Variants in DGKB observed in about 807,000 individuals in gnomAD.
The protein encoded by DGKB is diacylglycerol kinase beta, also known as 90 kDa diacylglycerol kinase.
Under a neutral mutation model 114.3 loss-of-function variants are expected in DGKB, and 67 were observed. The ratio of observed to expected loss-of-function variants is 0.59; its 90% CI spans 0.48 to 0.72. The LOEUF (loss-of-function observed/expected upper bound fraction) is 0.72. Ranked by LOEUF, DGKB falls within the 30% of genes least tolerant of loss-of-function variation. The pLI, the probability that DGKB is intolerant of heterozygous loss-of-function variation, is 0.00. For synonymous variants in DGKB, 398 were observed against 323.1 expected (o/e 1.23, Z -2.49); for missense variants, 907 against 975.2 (o/e 0.93, Z 0.93).
intron 23 of DGKB, among the ~76,000 whole-genome samples, chr7:14,205,940 G>C (rs181869992): frequency 6.6e-6 from 1 of 152,000 alleles, no homozygotes; most frequent in African/African-American, 2.4e-5. Context: ...TCAATTGATT[G>C]ACAGGTAGAT....
chr7:14,571,310 T>G (rs935270537), intron 20 of DGKB, among the ~76,000 whole-genome samples: 1 of 152,236 alleles, frequency 6.6e-6, no homozygotes, highest in African/African-American at 2.4e-5. Flanking sequence ...GTAGATTCAT[T>G]GTCAGTGGAA....
rs569081162 is a variant in DGKB, at chr7:14,415,880, C to G, written c.1835+62281G>C. Among the ~76,000 whole-genome samples the G allele has an allele frequency of 5.6e-3, 850 of 152,262 alleles. 7 individuals carry two copies. Among genetic ancestry groups the G allele is most frequent in the African/African-American group, 0.019 (786 of 41,564 alleles). ...CACAATGGTTGAACTAGTTTACAGT[C>G]CCACCTACAGTGTAAAAGTGTTCCT... is the stretch of plus-strand genomic sequence containing the variant. On this transcript the variant is annotated intron_variant, in intron 21 of 25. Coordinates refer to ENST00000402815, the MANE Select transcript of DGKB (RefSeq NM_001350709.2).
intron 13 of DGKB, among the ~76,000 whole-genome samples, chr7:14,631,293 G>C (rs575409266): frequency 6.9e-6 from 1 of 144,992 alleles, no homozygotes; most frequent in African/African-American, 2.5e-5. Flanking sequence ...GAAAAAAATA[G>C]CTGAATCTGA....
In DGKB at chr7:14,265,318, C is replaced by CTTTTTTTTTTTTTTTTTT. The variant is rs781569705; in HGVS notation, c.2122+73179_2122+73196dup. Among the ~76,000 whole-genome samples, 121 of 67,724 alleles carry CTTTTTTTTTTTTTTTTTT rather than the reference C, an allele frequency of 1.8e-3. 13 individuals carry two copies. Among genetic ancestry groups the CTTTTTTTTTTTTTTTTTT allele is most frequent in the East Asian group, 2.9e-3 (4 of 1,362 alleles). 44.4% of individuals were successfully genotyped at this position (67,724 alleles called of 152,430 possible). On this transcript the variant is annotated intron_variant, in intron 23 of 25. Transcript: ENST00000402815. Reference sequence around the variant, plus strand: ...GGACTGCTGTCTTTTCTCTTGCATTCTTTTTTTTTTTTTTTTTTTTGCTTA... The same window carrying CTTTTTTTTTTTTTTTTTT: ...GGACTGCTGTCTTTTCTCTTGCATTCTTTTTTTTTTTTTTTTTTTTTTTTTTTTTTTTTTTTTTGCTTA...
chr7:14,490,347 C>A (rs1385049126), intron 20 of DGKB, among the ~76,000 whole-genome samples: 1 of 151,954 alleles, frequency 6.6e-6, no homozygotes. Flanking sequence ...TTCTTTATAC[C>A]TGAAAGACAA....
intron 21 of DGKB, among the ~76,000 whole-genome samples, chr7:14,371,558 A>C (rs192380162): frequency 6.6e-6 from 1 of 152,234 alleles, no homozygotes; most frequent in Admixed American, 6.5e-5. Context: ...TGTGTTCAAA[A>C]TATTAGACCT....
At position 14,927,922 on chromosome 7, in the gene DGKB, G is replaced by C. The variant is rs1004142659; in HGVS notation, c.-188+46774C>G. On this transcript the variant is annotated intron_variant, in intron 1 of 4. Coordinates refer to the DGKB transcript ENST00000437998. ...TTCAATTTACAAGAATTACATTATT[G>C]GCTAGTATCTTGGATGCAATTTATA... Among the ~76,000 whole-genome samples the C allele has an allele frequency of 1.3e-4, 20 of 151,740 alleles. 1 individual carries two copies. In the East Asian group the frequency reaches 3.9e-3, roughly 29 times the overall value.
At chr7:14,857,230 C>T (rs78637874) in intron 1 of DGKB, among the ~76,000 whole-genome samples, 1,248 of 95,668 alleles carry the variant, frequency 0.013, 10 homozygotes, top group Non-Finnish European at 0.019. Context: ...CTCTCTCTCT[C>T]TTCCACCCAA....
chr7:14,160,981 C>T (rs993544354), intron 25 of DGKB, among the ~76,000 whole-genome samples: 1 of 151,942 alleles, frequency 6.6e-6, no homozygotes, highest in Non-Finnish European at 1.5e-5. Flanking sequence ...AACAAACAAC[C>T]CCATCAAAAA....
intron 17 of DGKB, among the ~76,000 whole-genome samples, chr7:14,597,193 G>A (rs576108538): frequency 6.6e-6 from 1 of 152,208 alleles, no homozygotes; most frequent in Admixed American, 6.5e-5. Flanking sequence ...GGGCGACAGA[G>A]CAAGACTCCG....
intron 21 of DGKB, among the ~76,000 whole-genome samples, chr7:14,404,956 G>T (rs962245869): frequency 2.0e-5 from 3 of 151,618 alleles, no homozygotes; most frequent in African/African-American, 7.3e-5. Context: ...GTTAATCTCT[G>T]GGTAATCTCA....
At chr7:14,369,792 T>C (rs1377142927) in intron 21 of DGKB, among the ~76,000 whole-genome samples, 1 of 152,246 alleles carries the variant, frequency 6.6e-6, no homozygotes, top group Admixed American at 6.5e-5. Flanking sequence ...GTAAATTCGT[T>C]TAAGTTCCTT....
intron 20 of DGKB, among the ~76,000 whole-genome samples, chr7:14,491,980 A>G (rs2128934498): frequency 6.6e-6 from 1 of 152,198 alleles, no homozygotes; most frequent in South Asian, 2.1e-4. Context: ...AAGTGACTGC[A>G]GAACTCCCAT....
At chr7:14,412,855 C>T (rs1825115362) in intron 21 of DGKB, among the ~76,000 whole-genome samples, 1 of 151,928 alleles carries the variant, frequency 6.6e-6, no homozygotes, top group South Asian at 2.1e-4. Flanking sequence ...ATGGTGCGTG[C>T]CTGTAATCCC....
At chr7:14,598,880 C>T (rs879407127) in intron 17 of DGKB, among the ~76,000 whole-genome samples, 2 of 152,118 alleles carry the variant, frequency 1.3e-5, no homozygotes, top group Non-Finnish European at 2.9e-5. Flanking sequence ...GTCAATATCT[C>T]CACAGGCATT....
At position 14,205,888 on chromosome 7, in the gene DGKB, G is replaced by C. The variant is rs558692178; in HGVS notation, c.2123-27737C>G. ...AGGGTGGCAAAATACAGGCAGATAGGCCAAATAATATGATATATATATGTA... is the reference window on the plus strand; with the variant it reads ...AGGGTGGCAAAATACAGGCAGATAGCCCAAATAATATGATATATATATGTA... On this transcript the variant is annotated intron_variant, in intron 23 of 25. Transcript: ENST00000402815. Among the ~76,000 whole-genome samples, 7 of 152,052 alleles carry C rather than the reference G, an allele frequency of 4.6e-5. No homozygotes were observed. The South Asian group carries it at 1.0e-3, about 23-fold the overall frequency.
At chr7:14,242,364 A>C (rs1359256903) in intron 23 of DGKB, among the ~76,000 whole-genome samples, 1 of 152,166 alleles carries the variant, frequency 6.6e-6, no homozygotes, top group African/African-American at 2.4e-5. Context: ...CTCCTGTGTG[A>C]CTTTCTGTGA....
intron 20 of DGKB, among the ~76,000 whole-genome samples, chr7:14,550,347 T>C (rs1365022565): frequency 1.3e-5 from 2 of 152,174 alleles, no homozygotes; most frequent in African/African-American, 4.8e-5. Flanking sequence ...ACATTTGCAA[T>C]GAAATTTTAT....
At chr7:14,384,323 G>T (rs550939662) in intron 21 of DGKB, among the ~76,000 whole-genome samples, 19 of 152,286 alleles carry the variant, frequency 1.2e-4, no homozygotes, top group African/African-American at 4.3e-4. Flanking sequence ...ACAGCTTACA[G>T]GCCAAGTTTG....
Sources: allele counts gnomAD v4.1 joint callset (sites outside exome capture counted in the v4.1 genomes callset), GRCh38; gene constraint gnomAD v4.1.1; transcripts MANE v1.5; gene names NCBI Gene and HGNC (gene_info 2026-07-23, HGNC 2026-07-21).